Variants in SRPK2 observed in about 807,000 individuals in gnomAD.
SRPK2 encodes SFRS protein kinase 2.
SRPK2 carries 21 observed loss-of-function variants against 90.8 expected under a neutral mutation model. The ratio of observed to expected loss-of-function variants is 0.23; its 90% CI spans 0.16 to 0.33. The LOEUF is 0.33. Among genes scored for constraint, SRPK2 ranks in the 10% least tolerant of loss-of-function variants. The pLI is 1.00. For synonymous variants in SRPK2, 288 were observed against 311.1 expected, an observed-to-expected ratio of 0.93 and a Z score of 0.78; for missense variants, 620 against 869.0, an observed-to-expected ratio of 0.71 and a Z score of 3.60.
chr7:105,173,984 C>T (rs953054207), intron 3 of SRPK2, among the ~76,000 whole-genome samples: 2 of 148,330 alleles, frequency 1.3e-5, no homozygotes, highest in Non-Finnish European at 3.0e-5. Context: ...GTGGCTCACA[C>T]CTGTAATCCT....
chr7:105,377,167 G>A (rs574899135), intron 2 of SRPK2, among the ~76,000 whole-genome samples: 1 of 152,156 alleles, frequency 6.6e-6, no homozygotes, highest in Admixed American at 6.6e-5. Context: ...TATTCCCTTG[G>A]TTTCTGTAAG....
At chr7:105,260,915 G>T (rs1804153928) in intron 2 of SRPK2, among the ~76,000 whole-genome samples, 1 of 150,362 alleles carries the variant, frequency 6.7e-6, no homozygotes, top group Non-Finnish European at 1.5e-5. Flanking sequence ...GACAGCATTA[G>T]CAGAAATACC....
intron 2 of SRPK2, among the ~76,000 whole-genome samples, chr7:105,368,155 T>C (rs1819290411): frequency 6.6e-6 from 1 of 152,200 alleles, no homozygotes; most frequent in Admixed American, 6.5e-5. Context: ...TAAAGAATAT[T>C]TAAAGACAAC....
In SRPK2 at chr7:105,160,533, G is replaced by C. The variant is rs1286660967; in HGVS notation, c.595C>G (p.Arg199Gly). The C allele has an allele frequency of 7.4e-6, 12 of 1,613,166 alleles. No individual in the cohort carries two copies. In the Admixed American group the frequency reaches 2.0e-4, roughly 27 times the overall value. The change falls in exon 7 of 16, where the codon CGT (arginine) becomes GGT (glycine). Residue 199 changes from arginine (R) to glycine (G), a missense_variant. By Grantham distance (125) the Arg-to-Gly change is moderately radical (BLOSUM62 -2). Around this residue, in one of 8 missense-constraint regions of SRPK2, gnomAD observed 196 missense variants for 339.2 expected, o/e 0.58. Coordinates refer to ENST00000393651, the MANE Select transcript of SRPK2 (RefSeq NM_182692.3). ...IKSNYQGLPV[R>G]CVKSIIRQVL... ...TGTCGAATGATACTCTTCACACAAC[G>C]TACTGGGAGGCCTTGATAGTTGGAT...
intron 15 of SRPK2, among the ~76,000 whole-genome samples, chr7:105,125,509 C>A (rs1247016425): frequency 6.6e-6 from 1 of 152,158 alleles, no homozygotes; most frequent in Non-Finnish European, 1.5e-5. Context: ...TTAACAATCA[C>A]CTAAACTCCT....
chr7:105,191,994 G>A (rs1317525073), intron 3 of SRPK2, among the ~76,000 whole-genome samples: 1 of 150,980 alleles, frequency 6.6e-6, no homozygotes, highest in Non-Finnish European at 1.5e-5. Flanking sequence ...GATTACAGGT[G>A]TAAGCCACCA....
At chr7:105,307,239 G>A (rs1378960529) in intron 2 of SRPK2, among the ~76,000 whole-genome samples, 2 of 152,124 alleles carry the variant, frequency 1.3e-5, no homozygotes, top group Non-Finnish European at 2.9e-5. Context: ...AAGTACAAAT[G>A]CCATTCCATC....
intron 2 of SRPK2, among the ~76,000 whole-genome samples, chr7:105,240,277 T>C (rs951951259): frequency 3.3e-5 from 5 of 152,160 alleles, no homozygotes; most frequent in African/African-American, 9.6e-5. Context: ...GTGTTGGTGA[T>C]CTAATTGTCT....
intron 2 of SRPK2, 60 bp from the exon 3 acceptor site, chr7:105,203,845 A>G: frequency 6.5e-7 from 1 of 1,537,430 alleles, no homozygotes; most frequent in Non-Finnish European, 8.8e-7. Flanking sequence ...TTATGGATGC[A>G]TTTGAGCACT....
intron 2 of SRPK2, among the ~76,000 whole-genome samples, chr7:105,275,161 T>G (rs6975268): frequency 6.6e-6 from 1 of 152,114 alleles, no homozygotes; most frequent in Non-Finnish European, 1.5e-5. Flanking sequence ...GCTGGGAGTA[T>G]AAGCATGAGC....
intron 2 of SRPK2, chr7:105,297,548 G>A: frequency 1.0e-6 from 1 of 963,910 alleles, no homozygotes. Flanking sequence ...AAAAGATAAG[G>A]CACACCGTTT....
intron 2 of SRPK2, among the ~76,000 whole-genome samples, chr7:105,266,187 T>A (rs1178719772): frequency 6.6e-6 from 1 of 152,116 alleles, no homozygotes; most frequent in African/African-American, 2.4e-5. Flanking sequence ...TAATTTTACT[T>A]CAAATCGTAT....
At position 105,137,477 on chromosome 7, in the gene SRPK2, G is replaced by C. The variant is rs895458376; in HGVS notation, c.1544-4373C>G. On this transcript the variant is annotated intron_variant, in intron 11 of 15. Transcript: ENST00000393651. ...CAAAAGCTCAAGTGATAGGAGCACG[G>C]AGGCTGTGTTAACAGTAGCCTAGCA... 3.9e-5 allele frequency among the ~76,000 whole-genome samples: 5 copies of C among 127,546 alleles called. No individual in the cohort carries two copies. In the Middle Eastern group the frequency reaches 0.011, roughly 292 times the overall value. 83.7% of individuals were successfully genotyped at this position (127,546 alleles called of 152,430 possible). A position where few individuals can be genotyped will look rare whatever the true frequency, so the allele number is the denominator to read the frequency against.
At chr7:105,377,718 A>G (rs982468101) in intron 2 of SRPK2, among the ~76,000 whole-genome samples, 8 of 152,134 alleles carry the variant, frequency 5.3e-5, no homozygotes, top group South Asian at 2.1e-4. Context: ...GAAGAAAAAA[A>G]GAGAAAAGCC....
intron 3 of SRPK2, among the ~76,000 whole-genome samples, chr7:105,193,756 C>T (rs1224688844): frequency 6.6e-6 from 1 of 152,096 alleles, no homozygotes; most frequent in Non-Finnish European, 1.5e-5. Flanking sequence ...GAAATATATG[C>T]TCAATGCAGA....
intron 2 of SRPK2, among the ~76,000 whole-genome samples, chr7:105,284,138 G>A (rs144770257): frequency 4.7e-4 from 72 of 152,238 alleles, no homozygotes; most frequent in Middle Eastern, 6.8e-3. Flanking sequence ...AAACCGGGGC[G>A]GTCTAACACC....
At chr7:105,357,341 A>G (rs111367988) in intron 2 of SRPK2, among the ~76,000 whole-genome samples, 2 of 152,140 alleles carry the variant, frequency 1.3e-5, no homozygotes, top group Non-Finnish European at 2.9e-5. Flanking sequence ...GCCCAGCCAA[A>G]TAACACTAAT....
At chr7:105,265,443 T>C (rs752865376) in intron 2 of SRPK2, among the ~76,000 whole-genome samples, 1 of 152,034 alleles carries the variant, frequency 6.6e-6, no homozygotes, top group Non-Finnish European at 1.5e-5. Flanking sequence ...GATTTTGATA[T>C]CTATGGGGGG....
chr7:105,220,777 G>C (rs1277726275), intron 2 of SRPK2, among the ~76,000 whole-genome samples: 1 of 151,522 alleles, frequency 6.6e-6, no homozygotes. Flanking sequence ...AAGACATCCA[G>C]ACCCCCAGCC....
Sources: gnomAD v4.1 joint callset for allele counts (sites outside exome capture counted in the v4.1 genomes callset) on GRCh38, gnomAD v4.1.1 for gene constraint, gnomAD v4.1.1 regional missense constraint, MANE v1.5 for transcripts, NCBI Gene and HGNC (gene_info 2026-07-23, HGNC 2026-07-21) for gene names.